Variants in OPCML observed in about 807,000 individuals in gnomAD.
The protein encoded by OPCML is opioid-binding protein/cell adhesion molecule.
OPCML carries 13 observed loss-of-function variants against 37.8 expected under a neutral mutation model. That is an observed-to-expected ratio of 0.34 (90% CI 0.22 to 0.55). The LOEUF (loss-of-function observed/expected upper bound fraction) is 0.55. OPCML is among the 20% of genes least tolerant of loss of function. The probability of loss-of-function intolerance (pLI) is 0.91; values close to 1 mark genes in which losing one functional copy is unlikely to be tolerated. For synonymous variants in OPCML, 176 were observed against 168.8 expected (o/e 1.04, Z -0.33); for missense variants, 341 against 435.6 (o/e 0.78, Z 1.93).
chr11:133,170,245 G>A (rs1186571277), intron 1 of OPCML, among the ~76,000 whole-genome samples: 1 of 152,214 alleles, frequency 6.6e-6, no homozygotes, highest in East Asian at 1.9e-4. Flanking sequence ...GTGAGGCCGA[G>A]GCGGGCAGAT....
At position 133,212,265 on chromosome 11, in the gene OPCML, T is replaced by C. The variant is rs368014688; in HGVS notation, c.62-269255A>G. 7.9e-5 allele frequency among the ~76,000 whole-genome samples: 12 copies of C among 152,198 alleles called. No homozygotes were observed. In the East Asian group the frequency reaches 1.3e-3, roughly 17 times the overall value. On this transcript the variant is annotated intron_variant, in intron 1 of 7. Transcript: ENST00000524381. The surrounding 1 kb of genome is among the most constrained non-coding windows in gnomAD (Gnocchi z 4.9). Reference sequence around the variant, plus strand: ...CGATAGGTGCACAAAGTCCTCCTAATAGTCCGTGACAGCCTACACAGCTGG... The same window carrying C: ...CGATAGGTGCACAAAGTCCTCCTAACAGTCCGTGACAGCCTACACAGCTGG...
At chr11:132,566,342 A>G (rs2096423153) in intron 3 of OPCML, among the ~76,000 whole-genome samples, 1 of 152,224 alleles carries the variant, frequency 6.6e-6, no homozygotes, top group African/African-American at 2.4e-5. Context: ...TATGAGCACA[A>G]CATAGAGAAG....
chr11:133,233,214 T>C (rs1650130327), intron 1 of OPCML, among the ~76,000 whole-genome samples: 1 of 152,174 alleles, frequency 6.6e-6, no homozygotes, highest in African/African-American at 2.4e-5. Context: ...AAGATGCAAC[T>C]GCACCTCCCA....
intron 1 of OPCML, among the ~76,000 whole-genome samples, chr11:133,049,672 T>C (rs1483835015): frequency 6.6e-6 from 1 of 152,206 alleles, no homozygotes; most frequent in Non-Finnish European, 1.5e-5. Context: ...GTGATAAATA[T>C]GGGCAGTCTT....
chr11:133,007,357 G>T (rs1483476198), intron 1 of OPCML: 2 of 985,304 alleles, frequency 2.0e-6, no homozygotes, highest in Middle Eastern at 5.2e-4. Context: ...CCTTATCTGT[G>T]TGATTAGCTC....
chr11:133,341,156 C>G (rs1020688982), intron 1 of OPCML, among the ~76,000 whole-genome samples: 1 of 152,196 alleles, frequency 6.6e-6, no homozygotes, highest in Non-Finnish European at 1.5e-5. Context: ...ATACCTAGAA[C>G]CCTGCCTGCC....
At chr11:132,889,948 T>A (rs989956666) in intron 2 of OPCML, among the ~76,000 whole-genome samples, 60 of 152,236 alleles carry the variant, frequency 3.9e-4, no homozygotes, top group Non-Finnish European at 4.1e-4. Context: ...ACCATTTTAA[T>A]AGGCAGAAAT....
chr11:133,044,804 A>T (rs1165182536), intron 1 of OPCML, among the ~76,000 whole-genome samples: 1 of 152,150 alleles, frequency 6.6e-6, no homozygotes, highest in Non-Finnish European at 1.5e-5. Context: ...ACAGGGGAGC[A>T]TACAGAACGA....
rs192350869 is a variant in OPCML, at chr11:133,159,377, G to A, written c.62-216367C>T. ...CAACAAGTGGCCCTAAATGTTAGAG[G>A]CAGTGGCAAGAAGCTATGTGCTTCT... On this transcript the variant is annotated intron_variant, in intron 1 of 7. Transcript: ENST00000524381. 2.1e-3 allele frequency among the ~76,000 whole-genome samples: 322 copies of A among 152,232 alleles called. 2 individuals are homozygous for A. The highest frequency in any genetic ancestry group is 7.6e-3 in the African/African-American group (315 of 41,534).
chr11:132,945,977 T>C (rs539975764), intron 1 of OPCML, among the ~76,000 whole-genome samples: 2 of 152,282 alleles, frequency 1.3e-5, no homozygotes, highest in South Asian at 4.1e-4. Context: ...AGAGACGGGG[T>C]TTCACCGTGT....
chr11:133,424,176 C>T (rs80160832), intron 1 of OPCML, among the ~76,000 whole-genome samples: 9,780 of 152,140 alleles, frequency 0.064, 886 homozygotes, highest in African/African-American at 0.2. Context: ...TGTTCAAAAC[C>T]AGAGTGAACC....
chr11:132,736,909 G>T (rs1945277559), intron 2 of OPCML, among the ~76,000 whole-genome samples: 1 of 152,146 alleles, frequency 6.6e-6, no homozygotes, highest in Admixed American at 6.5e-5. Flanking sequence ...ATTTTAAGAT[G>T]ATAATTTTCA....
In OPCML at chr11:133,173,721, G is replaced by T. The variant is rs1467194105; in HGVS notation, c.62-230711C>A. Among the ~76,000 whole-genome samples the T allele has an allele frequency of 8.5e-5, 13 of 152,312 alleles. No individual in the cohort carries two copies. Among genetic ancestry groups the T allele is most frequent in the African/African-American group, 3.1e-4 (13 of 41,564 alleles). On this transcript the variant is annotated intron_variant, in intron 1 of 7. Coordinates refer to ENST00000524381, the MANE Select transcript of OPCML (RefSeq NM_001012393.5). The surrounding 1 kb of genome is among the most constrained non-coding windows in gnomAD (Gnocchi z 7.8). ...GCACCGACTTAGCTTCAATCCTGTG[G>T]CAGTTTAAGAATCTCTAAGAATGCA...
chr11:133,168,005 T>C (rs900898740), intron 1 of OPCML, among the ~76,000 whole-genome samples: 1 of 152,180 alleles, frequency 6.6e-6, no homozygotes, highest in Non-Finnish European at 1.5e-5. Flanking sequence ...CTTTCTGCAT[T>C]TTTATAATAA....
At position 132,479,583 on chromosome 11, in the gene OPCML, A is replaced by G. The variant is rs553083463; in HGVS notation, c.506-42224T>C. Among the ~76,000 whole-genome samples, 836 of 152,316 alleles carry G rather than the reference A, an allele frequency of 5.5e-3. 5 individuals carry two copies. The highest frequency in any genetic ancestry group is 8.1e-3 in the Non-Finnish European group (549 of 68,016). On this transcript the variant is annotated intron_variant, in intron 4 of 7. Transcript: ENST00000524381. ...CACCTCTGGGGGCAGGGCACAGACA[A>G]ACAAAAAGACAGCAGTAACCTCTGC...
At chr11:133,304,017 G>A (rs1366506149) in intron 1 of OPCML, among the ~76,000 whole-genome samples, 1 of 152,182 alleles carries the variant, frequency 6.6e-6, no homozygotes, top group African/African-American at 2.4e-5. Context: ...CCTAAGTCAA[G>A]TTTATGTGTC....
Position 133,309,215 on chromosome 11 carries a change from C to A in OPCML, c.61+223049G>T, listed in dbSNP as rs189469426. 1.5e-3 allele frequency among the ~76,000 whole-genome samples: 226 copies of A among 152,258 alleles called. 5 individuals carry two copies. The highest frequency in any genetic ancestry group is 0.01 in the Middle Eastern group (3 of 294). On this transcript the variant is annotated intron_variant, in intron 1 of 7. Transcript: ENST00000524381. ...GTAACTGTGCAATGAAGAATTCTGGCAGATACTGCATTCACCAAGGGATCA... is the reference window on the plus strand; with the variant it reads ...GTAACTGTGCAATGAAGAATTCTGGAAGATACTGCATTCACCAAGGGATCA...
chr11:133,071,752 T>A (rs1948540742), intron 1 of OPCML, among the ~76,000 whole-genome samples: 4 of 152,216 alleles, frequency 2.6e-5, no homozygotes, highest in Admixed American at 2.6e-4. Flanking sequence ...AAATATTTGG[T>A]GTCTTCTCCA....
intron 1 of OPCML, among the ~76,000 whole-genome samples, chr11:133,240,114 G>T (rs1419837714): frequency 2.0e-5 from 3 of 149,712 alleles, no homozygotes; most frequent in Non-Finnish European, 1.5e-5. Context: ...GCCTCCCAGG[G>T]AGCTCTGCCT....
Sources: allele counts gnomAD v4.1 joint callset (sites outside exome capture counted in the v4.1 genomes callset), GRCh38; gene constraint gnomAD v4.1.1; non-coding constraint Gnocchi (gnomAD v3.1); transcripts MANE v1.5; gene names NCBI Gene and HGNC (gene_info 2026-07-23, HGNC 2026-07-21).